The following ZRSR2 variants were observed in gnomAD, a reference collection of about 807,000 sequenced individuals.
ZRSR2 encodes the protein U2 small nuclear ribonucleoprotein auxiliary factor 35 kDa subunit-related protein 2.
In ZRSR2, 3 loss-of-function variants were observed where a neutral mutation model predicts 39.4. The ratio of observed to expected loss-of-function variants is 0.08; its 90% CI spans 0.03 to 0.20. ZRSR2 has a LOEUF of 0.20. Ranked by LOEUF, ZRSR2 falls within the 10% of genes least tolerant of loss-of-function variation. The pLI is 1.00. For synonymous variants in ZRSR2, 137 were observed against 136.0 expected (o/e 1.01, Z -0.05); for missense variants, 256 against 391.5 (o/e 0.65, Z 2.92).
chrX:15,819,808 G>A (rs1241056807), intron 9 of ZRSR2, among the ~76,000 whole-genome samples: 2 of 111,601 alleles, frequency 1.8e-5, no homozygotes, highest in Non-Finnish European at 3.8e-5. Flanking sequence ...AGCAATTAAT[G>A]TATCATTTCT....
At chrX:15,795,840 AG>A in intron 2 of ZRSR2, among the ~76,000 whole-genome samples, 1 of 111,533 alleles carries the variant, frequency 9.0e-6, no homozygotes, top group Non-Finnish European at 1.9e-5. Flanking sequence ...AAACCTGTTC[AG>A]GCCAGGCGCA....
intron 2 of ZRSR2, among the ~76,000 whole-genome samples, chrX:15,791,693 G>T (rs1932285814): frequency 2.4e-5 from 2 of 84,347 alleles, no homozygotes; most frequent in African/African-American, 9.5e-5. Context: ...GTCTCGCTCT[G>T]TTGCCCAGGC....
At chrX:15,812,016 G>A (rs1009364290) in intron 7 of ZRSR2, among the ~76,000 whole-genome samples, 6 of 111,170 alleles carry the variant, frequency 5.4e-5, no homozygotes, top group Admixed American at 1.9e-4. Context: ...TGCAAACTCC[G>A]CCTCCTGGGT....
chrX:15,798,881 T>C (rs1932568250), intron 2 of ZRSR2, among the ~76,000 whole-genome samples: 1 of 111,872 alleles, frequency 8.9e-6, no homozygotes, highest in Admixed American at 9.5e-5. Context: ...TGATGCTAAC[T>C]GTGGTTAAGG....
At chrX:15,821,863 T>C (rs1432889852) in intron 10 of ZRSR2, among the ~76,000 whole-genome samples, 1 of 111,564 alleles carries the variant, frequency 9.0e-6, no homozygotes. Context: ...GATCTCAAAA[T>C]TGTTCGAATA....
Position 15,823,021 on chromosome X carries a change from C to T in ZRSR2, c.1228C>T (p.Arg410Cys). 1.7e-6 allele frequency: 2 copies of T among 1,211,976 alleles called. No homozygotes were observed. Among genetic ancestry groups the T allele is most frequent in the Non-Finnish European group, 2.2e-6 (2 of 895,580 alleles). The change falls in exon 11 of 11, where the codon CGC (arginine) becomes TGC (cysteine). Residue 410 changes from arginine to cysteine, a missense_variant. Physicochemically the swap from Arg to Cys is radical, Grantham distance 180 (BLOSUM62 -3). This residue lies in a region of ZRSR2 where 111 missense variants were observed against 116.7 expected (regional missense o/e 0.95). Transcript: ENST00000307771. The part of the protein sequence containing the change: ...SRHRGKKSHK[R>C]TSKSRERHNS... ...TCACAGGGGGAAGAAATCTCACAAA[C>T]GCACATCAAAGAGTCGGGAGAGGCA...
At chrX:15,807,826 G>T (rs1601818017) in intron 5 of ZRSR2, among the ~76,000 whole-genome samples, 1 of 108,825 alleles carries the variant, frequency 9.2e-6, no homozygotes, top group African/African-American at 3.3e-5. Flanking sequence ...GATTGCTTGA[G>T]CTCAGGAGTT....
chrX:15,816,867 A>AT (rs200560119), intron 8 of ZRSR2, among the ~76,000 whole-genome samples: 20 of 108,649 alleles, frequency 1.8e-4, no homozygotes, highest in Non-Finnish European at 2.9e-4. Context: ...AATTCTTTTT[A>AT]TTTTTTTTTT....
intron 3 of ZRSR2, among the ~76,000 whole-genome samples, chrX:15,802,626 A>G (rs1026943309): frequency 9.2e-5 from 10 of 108,750 alleles, no homozygotes; most frequent in Non-Finnish European, 1.7e-4. Flanking sequence ...CGCCTGGCTA[A>G]TTTTTGTATT....
intron 5 of ZRSR2, among the ~76,000 whole-genome samples, chrX:15,807,308 TAGAC>T (rs1447021192): frequency 1.8e-5 from 2 of 111,072 alleles, no homozygotes; most frequent in African/African-American, 3.3e-5. Context: ...CGTTTTTTTT[TAGAC>T]AGAGTCTTGC....
chrX:15,797,045 C>T (rs902833008), intron 2 of ZRSR2, among the ~76,000 whole-genome samples: 7 of 108,322 alleles, frequency 6.5e-5, no homozygotes, highest in African/African-American at 2.0e-4. Flanking sequence ...CCGTCCACCT[C>T]GGCCTCCGAA....
intron 9 of ZRSR2, among the ~76,000 whole-genome samples, chrX:15,819,323 A>G (rs1416774517): frequency 9.1e-6 from 1 of 109,703 alleles, no homozygotes; most frequent in Non-Finnish European, 1.9e-5. Flanking sequence ...AATACAAAAA[A>G]TTAGCCAGGC....
intron 10 of ZRSR2, among the ~76,000 whole-genome samples, chrX:15,821,318 G>GA (rs1323898232): frequency 1.9e-5 from 2 of 106,512 alleles, no homozygotes; most frequent in African/African-American, 6.8e-5. Flanking sequence ...TCCAAAGCAG[G>GA]GGACTATTTC....
chrX:15,799,185 CAAA>C (rs558406905), intron 2 of ZRSR2, among the ~76,000 whole-genome samples: 6 of 74,324 alleles, frequency 8.1e-5, no homozygotes, highest in Non-Finnish European at 5.3e-5. Context: ...ACTCCCGTCT[CAAA>C]AAAAAAAAAA....
At chrX:15,796,186 G>A (rs1167891238) in intron 2 of ZRSR2, among the ~76,000 whole-genome samples, 1 of 111,063 alleles carries the variant, frequency 9.0e-6, no homozygotes, top group East Asian at 2.8e-4. Context: ...GCACCACCGC[G>A]CCCGGCCATC....
At chrX:15,814,439 G>A (rs371026829) in intron 7 of ZRSR2, among the ~76,000 whole-genome samples, 7 of 111,470 alleles carry the variant, frequency 6.3e-5, no homozygotes, top group African/African-American at 2.3e-4. Context: ...GACCAGCCTG[G>A]GCAACATAGC....
chrX:15,804,917 A>G (rs1004530924), intron 5 of ZRSR2, among the ~76,000 whole-genome samples: 4 of 109,841 alleles, frequency 3.6e-5, no homozygotes, highest in Non-Finnish European at 7.6e-5. Context: ...GTGTGTATGT[A>G]TCTTCTCTAT....
At chrX:15,817,355 C>T (rs1388535476) in intron 8 of ZRSR2, among the ~76,000 whole-genome samples, 7 of 111,330 alleles carry the variant, frequency 6.3e-5, no homozygotes, top group South Asian at 3.7e-4. Context: ...GGATCCTGCT[C>T]GTTTTGGGAT....
At chrX:15,818,443 A>T (rs1933024002) in intron 8 of ZRSR2, 144 bp from the exon 9 acceptor site, 1 of 511,564 alleles carries the variant, frequency 2.0e-6, no homozygotes, top group African/African-American at 2.4e-5. Context: ...CCTTAAATAG[A>T]TGCAAGAGTC....
Sources: gnomAD v4.1 joint callset for allele counts (sites outside exome capture counted in the v4.1 genomes callset) on GRCh38, gnomAD v4.1.1 for gene constraint, gnomAD v4.1.1 regional missense constraint, MANE v1.5 for transcripts, NCBI Gene and HGNC (gene_info 2026-07-23, HGNC 2026-07-21) for gene names.